Variants in EXOC7 observed in about 807,000 individuals in gnomAD.
EXOC7 encodes the protein exocyst complex component 7.
In EXOC7, 51 loss-of-function variants were observed where a neutral mutation model predicts 87.6. That is an observed-to-expected ratio of 0.58 (90% CI 0.46 to 0.73). EXOC7 has a LOEUF of 0.73. EXOC7 is among the 30% of genes least tolerant of loss of function. The pLI, the probability that EXOC7 is intolerant of heterozygous loss-of-function variation, is 0.00. For missense variants in EXOC7, 744 were observed against 888.4 expected, an observed-to-expected ratio of 0.84 and a Z score of 2.07; for synonymous variants, 327 against 357.1, an observed-to-expected ratio of 0.92 and a Z score of 0.95.
At position 76,094,577 on chromosome 17, in the gene EXOC7, G is replaced by C; in HGVS notation, c.645C>G (p.Phe215Leu). Residue 215 changes from phenylalanine (F) to leucine (L), a missense_variant, in exon 6 of 19, where the codon TTC becomes TTG. Physicochemically the swap from Phe to Leu is conservative, Grantham distance 22. This residue lies in a region of EXOC7 where 512 missense variants were observed against 573.0 expected (regional missense o/e 0.89). Coordinates refer to ENST00000589210, the MANE Select transcript of EXOC7 (RefSeq NM_001013839.4). Reference sequence around the variant, plus strand: ...AGCGTATCTGGTAGTAGACGTTCATGAAATCTGAGGAGACACAGAGGGATA... The same window carrying C: ...AGCGTATCTGGTAGTAGACGTTCATCAAATCTGAGGAGACACAGAGGGATA... ...WLVEYGRNQD[F>L]MNVYYQIRSS... 1 of 1,612,284 alleles carries C rather than the reference G, an allele frequency of 6.2e-7. No individual in the cohort carries two copies. Among genetic ancestry groups the C allele is most frequent in the Non-Finnish European group, 8.5e-7 (1 of 1,179,244 alleles).
chr17:76,083,821 C>A (rs1428401420), intron 18 of EXOC7, 71 bp from the exon 19 acceptor site: 9 of 1,553,428 alleles, frequency 5.8e-6, no homozygotes, highest in African/African-American at 1.4e-5. Flanking sequence ...GCCTAAGGCA[C>A]TCCTGATAGT....
rs754108322 is a variant in EXOC7, at chr17:76,103,617, C to A, written c.60+16G>T. On this transcript the variant is annotated intron_variant, in intron 1 of 18. Coordinates refer to ENST00000589210, the MANE Select transcript of EXOC7 (RefSeq NM_001013839.4). ...TTCCCTCACCTCCTCCCCAGCCTCC[C>A]CAGGCCCACGCCCACCTGCTTCAGC... is the stretch of plus-strand genomic sequence containing the variant. 1 of 1,613,346 alleles carries A rather than the reference C, an allele frequency of 6.2e-7. No homozygotes were observed. Among genetic ancestry groups the A allele is most frequent in the South Asian group, 1.1e-5 (1 of 90,926 alleles).
In EXOC7 at chr17:76,087,638, T is replaced by G; in HGVS notation, c.1429+16A>C. The G allele has an allele frequency of 6.4e-7, 1 of 1,550,492 alleles. No homozygotes were observed. Among genetic ancestry groups the G allele is most frequent in the Non-Finnish European group, 8.7e-7 (1 of 1,146,758 alleles). On this transcript the variant is annotated intron_variant, in intron 12 of 18. Transcript: ENST00000589210. The stretch of plus-strand genomic sequence containing the variant: ...AGGCGAGTGGGGCAGGGGGCCCAAC[T>G]GGGAGGTACCAGTACCTTGGGAGGC...
chr17:76,101,501 C>T, intron 3 of EXOC7, 125 bp from the exon 4 acceptor site: 1 of 1,437,314 alleles, frequency 7.0e-7, no homozygotes. Context: ...TATCCCCCCA[C>T]TGCCTTTTAA....
chr17:76,085,802 A>G lies in EXOC7; in HGVS notation c.1496-5T>C. ...GCAGGTTGCCCAGCACTTTACCTGC[A>G]CAGGGAAAAATGGGGCCACACCCAC... On this transcript the variant is annotated splice_polypyrimidine_tract_variant and splice_region_variant and intron_variant, in intron 13 of 18. Coordinates refer to ENST00000589210, the MANE Select transcript of EXOC7 (RefSeq NM_001013839.4). The G allele has an allele frequency of 6.2e-7, 1 of 1,610,444 alleles. No homozygotes were observed. The highest frequency in any genetic ancestry group is 1.1e-5 in the South Asian group (1 of 90,754).
intron 7 of EXOC7, chr17:76,090,879 C>A: frequency 1.8e-6 from 1 of 553,870 alleles, no homozygotes. Context: ...TCTGAGTTCA[C>A]ACAGGAGACA....
At position 76,082,574 on chromosome 17, in the gene EXOC7, G is replaced by T; in HGVS notation, c.*1074C>A. The stretch of plus-strand genomic sequence containing the variant: ...CTGTGCACCCAATTCGTCTTTGCAG[G>T]AATCTGGATGTGGGCAGCGTGCAAG... On this transcript the variant is annotated 3_prime_UTR_variant, in exon 19 of 19. Coordinates refer to ENST00000589210, the MANE Select transcript of EXOC7 (RefSeq NM_001013839.4). 6.2e-7 allele frequency: 1 copy of T among 1,613,726 alleles called. No homozygotes were observed.
chr17:76,088,453 A>G lies in EXOC7; in HGVS notation c.1299+11T>C. 1 of 1,612,488 alleles carries G rather than the reference A, an allele frequency of 6.2e-7. No homozygotes were observed. The highest frequency in any genetic ancestry group is 8.5e-7 in the Non-Finnish European group (1 of 1,179,066). On this transcript the variant is annotated intron_variant, in intron 10 of 18. Transcript: ENST00000589210. Reference sequence around the variant, plus strand: ...CCGGGAGGGAGGGAGAAAGGGGAGGACAGCAGGGACCTTGATGTTGTCTGC... The same window carrying G: ...CCGGGAGGGAGGGAGAAAGGGGAGGGCAGCAGGGACCTTGATGTTGTCTGC...
intron 13 of EXOC7, 106 bp from the exon 14 acceptor site, chr17:76,085,903 C>T: frequency 6.5e-7 from 1 of 1,534,786 alleles, no homozygotes; most frequent in Non-Finnish European, 8.8e-7. Flanking sequence ...CGTCCTGCCT[C>T]AGGAGGCCTT....
intron 6 of EXOC7, 175 bp downstream of exon 6, chr17:76,094,239 G>C (rs571933008): frequency 1.3e-5 from 8 of 612,050 alleles, no homozygotes; most frequent in South Asian, 1.2e-4. Context: ...CTTGCTCTTG[G>C]GGGGCTTCAC....
chr17:76,094,224 A>G lies in EXOC7; in HGVS notation c.808+190T>C, dbSNP rs113759392. 1,444 of 558,684 alleles carry G rather than the reference A, an allele frequency of 2.6e-3. 15 individuals are homozygous for G. Among genetic ancestry groups the G allele is most frequent in the Middle Eastern group, 0.02 (41 of 2,082 alleles). The allele number at this position is 558,684 out of a possible 1,614,324, so 34.6% of individuals were successfully genotyped here. On this transcript the variant is annotated intron_variant, in intron 6 of 18. Transcript: ENST00000589210. ...CCCCAGGCTCTGCTAGCTGGAAGGA[A>G]GAGTCTTGCTCTTGGGGGGCTTCAC...
chr17:76,099,777 G>C (rs962233489), intron 4 of EXOC7, among the ~76,000 whole-genome samples: 1 of 152,202 alleles, frequency 6.6e-6, no homozygotes, highest in Admixed American at 6.5e-5. Flanking sequence ...TTGCTCTGAT[G>C]ATCTAATGAC....
At position 76,088,533 on chromosome 17, in the gene EXOC7, C is replaced by T. The variant is rs1324705063; in HGVS notation, c.1230G>A (p.Leu410=). 1 of 1,614,012 alleles carries T rather than the reference C, an allele frequency of 6.2e-7. No individual in the cohort carries two copies. Among genetic ancestry groups the T allele is most frequent in the Non-Finnish European group, 8.5e-7 (1 of 1,179,986 alleles). The change falls in exon 10 of 19, where the codon CTG becomes CTA. Residue 410 remains leucine, a synonymous_variant. Coordinates refer to ENST00000589210, the MANE Select transcript of EXOC7 (RefSeq NM_001013839.4). ...TCTCCATGGATGTGATGAGGCCAGG[C>T]AGCTTGTTCTTTGTGCTGGCAGCCG... is the stretch of plus-strand genomic sequence containing the variant. ...QGTAASTKNK[L]PGLITSMETI... is the part of the protein sequence containing the mutation.
chr17:76,088,884 C>A lies in EXOC7; in HGVS notation c.1087G>T (p.Val363Leu). The change falls in exon 9 of 19, where the codon GTG becomes TTG. Residue 363 changes from valine to leucine, a missense_variant. Physicochemically the swap from Val to Leu is conservative, Grantham distance 32 (BLOSUM62 1). Around this residue, in one of 3 missense-constraint regions of EXOC7, gnomAD observed 512 missense variants for 573.0 expected, o/e 0.89. Transcript: ENST00000589210. ...ACAATGGCCTTCCGGGCAGCAGACA[C>A]GATGTTCTCCCCTTCAAGCATCAGC... ...DGLMLEGENI[V>L]SAARKAIVRH... 1 of 1,613,638 alleles carries A rather than the reference C, an allele frequency of 6.2e-7. No individual in the cohort carries two copies. Among genetic ancestry groups the A allele is most frequent in the Admixed American group, 1.7e-5 (1 of 60,012 alleles).
intron 15 of EXOC7, 67 bp downstream of exon 15, chr17:76,085,247 G>A (rs931516617): frequency 1.6e-5 from 21 of 1,283,762 alleles, no homozygotes; most frequent in Non-Finnish European, 2.0e-5. Flanking sequence ...GTCCTGAGGT[G>A]CTGAGAAGGA....
intron 11 of EXOC7, 106 bp from the exon 12 acceptor site, chr17:76,087,826 C>A: frequency 8.1e-7 from 1 of 1,230,148 alleles, no homozygotes; most frequent in Non-Finnish European, 1.1e-6. Context: ...CTGGGATCCG[C>A]CCAGTGAAGA....
At chr17:76,088,167 ACCCCATGCC>A (rs748256946) in intron 10 of EXOC7, 45 bp from the exon 11 acceptor site, 209 of 1,592,786 alleles carry the variant, frequency 1.3e-4, no homozygotes, top group Non-Finnish European at 1.7e-4. Context: ...CCCCCAGCCC[ACCCCATGCC>A]CCAGTGCACC....
Position 76,081,513 on chromosome 17 carries a change from C to A in EXOC7, c.*2135G>T. Reference sequence around the variant, plus strand: ...CCCCGATGCCCACCTCCTTCCCCCCCGCCGGGAAGGCCCTGACTTTTCCCC... The same window carrying A: ...CCCCGATGCCCACCTCCTTCCCCCCAGCCGGGAAGGCCCTGACTTTTCCCC... On this transcript the variant is annotated 3_prime_UTR_variant, in exon 19 of 19. Coordinates refer to ENST00000589210, the MANE Select transcript of EXOC7 (RefSeq NM_001013839.4). 6.2e-7 allele frequency: 1 copy of A among 1,610,968 alleles called. No homozygotes were observed. The highest frequency in any genetic ancestry group is 8.5e-7 in the Non-Finnish European group (1 of 1,178,868).
At chr17:76,102,417 G>GACACACACAC (rs3073225) in intron 2 of EXOC7, among the ~76,000 whole-genome samples, 7 of 144,128 alleles carry the variant, frequency 4.9e-5, no homozygotes, top group South Asian at 2.3e-4. Flanking sequence ...TACACACACA[G>GACACACACAC]ACACACACAC....
Sources: allele counts gnomAD v4.1 joint callset (sites outside exome capture counted in the v4.1 genomes callset), GRCh38; gene constraint gnomAD v4.1.1; regional missense constraint gnomAD v4.1.1; transcripts MANE v1.5; gene names NCBI Gene and HGNC (gene_info 2026-07-23, HGNC 2026-07-21).